The following GALNTL6 variants were observed in gnomAD, a reference collection of about 807,000 sequenced individuals.
The protein encoded by GALNTL6 is polypeptide N-acetylgalactosaminyltransferase-like 6.
GALNTL6 carries 46 observed loss-of-function variants against 73.7 expected under a neutral mutation model. That is an observed-to-expected ratio of 0.62 (90% CI 0.49 to 0.80). The LOEUF (loss-of-function observed/expected upper bound fraction) is 0.80. GALNTL6 is among the 30% of genes least tolerant of loss of function. The pLI is 0.00. For missense variants in GALNTL6, 604 were observed against 755.0 expected (o/e 0.80, Z 2.34); for synonymous variants, 259 against 263.7 (o/e 0.98, Z 0.17).
At chr4:172,856,477 GAAGT>G (rs1744126989) in intron 7 of GALNTL6, among the ~76,000 whole-genome samples, 1 of 152,096 alleles carries the variant, frequency 6.6e-6, no homozygotes, top group African/African-American at 2.4e-5. Flanking sequence ...GCTTTAAAAG[GAAGT>G]AAGAAAAGAC....
At chr4:172,476,852 G>T (rs1180893855) in intron 5 of GALNTL6, among the ~76,000 whole-genome samples, 3 of 151,248 alleles carry the variant, frequency 2.0e-5, no homozygotes, top group South Asian at 2.1e-4. Context: ...TTTAGAGAAA[G>T]TATATTTTCC....
chr4:172,895,742 C>T (rs994091397), intron 8 of GALNTL6, among the ~76,000 whole-genome samples: 1 of 152,106 alleles, frequency 6.6e-6, no homozygotes, highest in Non-Finnish European at 1.5e-5. Flanking sequence ...CTCTTTAACT[C>T]CAATAAACTG....
At chr4:172,293,446 A>G (rs1739542125) in intron 3 of GALNTL6, among the ~76,000 whole-genome samples, 1 of 14,890 alleles carries the variant, frequency 6.7e-5, no homozygotes, top group South Asian at 0.1. Flanking sequence ...AATACAATGA[A>G]AAACCTCAAG....
intron 5 of GALNTL6, among the ~76,000 whole-genome samples, chr4:172,736,669 TC>T (rs752780703): frequency 1.3e-5 from 2 of 152,340 alleles, no homozygotes; most frequent in Non-Finnish European, 2.9e-5. Flanking sequence ...GTCCATGAAA[TC>T]TTCACAATTT....
At chr4:172,799,170 A>G (rs528576463) in intron 5 of GALNTL6, among the ~76,000 whole-genome samples, 1 of 152,354 alleles carries the variant, frequency 6.6e-6, no homozygotes, top group East Asian at 1.9e-4. Flanking sequence ...TGCAAAGAGC[A>G]GACCACACAG....
chr4:172,700,316 C>G (rs1393478767), intron 5 of GALNTL6, among the ~76,000 whole-genome samples: 2 of 151,968 alleles, frequency 1.3e-5, no homozygotes, highest in Non-Finnish European at 2.9e-5. Context: ...TAGATCTCAA[C>G]AAGACAATCT....
In GALNTL6 at chr4:171,891,327, C is replaced by T. The variant is rs530828169; in HGVS notation, c.138+76609C>T. Among the ~76,000 whole-genome samples, 179 of 152,298 alleles carry T rather than the reference C, an allele frequency of 1.2e-3. 2 individuals are homozygous for T. Among genetic ancestry groups the T allele is most frequent in the African/African-American group, 4.2e-3 (173 of 41,562 alleles). ...CTTCAGGGTGGTTGGAGCCAGCGTT[C>T]TTGGAGTCTGTTTCTTCAATCCTTT... On this transcript the variant is annotated intron_variant, in intron 2 of 12. Coordinates refer to ENST00000506823, the MANE Select transcript of GALNTL6 (RefSeq NM_001034845.3).
intron 2 of GALNTL6, among the ~76,000 whole-genome samples, chr4:172,019,518 A>C (rs1334751673): frequency 6.6e-6 from 1 of 152,184 alleles, no homozygotes; most frequent in Non-Finnish European, 1.5e-5. Context: ...AAGAATAACA[A>C]TACTTATATG....
At chr4:172,945,631 A>G (rs1164833648) in intron 9 of GALNTL6, among the ~76,000 whole-genome samples, 1 of 152,236 alleles carries the variant, frequency 6.6e-6, no homozygotes, top group Non-Finnish European at 1.5e-5. Context: ...ATAAAATCAA[A>G]GAGAAAGCTA....
chr4:172,031,693 T>C (rs1741775856), intron 2 of GALNTL6, among the ~76,000 whole-genome samples: 1 of 151,976 alleles, frequency 6.6e-6, no homozygotes, highest in African/African-American at 2.4e-5. Context: ...TCTCTGGCTT[T>C]CAAGTCCTCA....
intron 5 of GALNTL6, among the ~76,000 whole-genome samples, chr4:172,391,785 A>G (rs1579027686): frequency 6.6e-6 from 1 of 152,170 alleles, no homozygotes; most frequent in Non-Finnish European, 1.5e-5. Flanking sequence ...CCAAACACAT[A>G]GAAAGGATTT....
intron 5 of GALNTL6, among the ~76,000 whole-genome samples, chr4:172,611,515 T>A (rs987039679): frequency 2.0e-5 from 3 of 152,108 alleles, no homozygotes; most frequent in African/African-American, 7.2e-5. Context: ...CTCTTCTGGC[T>A]TGTAGGGTTC....
At chr4:172,421,009 T>A (rs924081217) in intron 5 of GALNTL6, among the ~76,000 whole-genome samples, 3 of 151,242 alleles carry the variant, frequency 2.0e-5, no homozygotes, top group African/African-American at 7.3e-5. Flanking sequence ...GTCAGGGGGT[T>A]GGGGGCAAGG....
intron 10 of GALNTL6, among the ~76,000 whole-genome samples, chr4:172,984,075 G>A (rs1751189569): frequency 6.6e-6 from 1 of 152,118 alleles, no homozygotes. Flanking sequence ...AACTATATAT[G>A]TAACAAACAT....
rs528747433 is a variant in GALNTL6 at position 172,639,152 on chromosome 4, C to T, written c.554-170209C>T. Among the ~76,000 whole-genome samples the T allele has an allele frequency of 5.9e-5, 9 of 152,170 alleles. No individual in the cohort carries two copies. The South Asian group carries it at 1.2e-3, about 21-fold the overall frequency. ...AATATGTATCTGGTAGGGAGGGAGA[C>T]TATAAATATTCCACATCTCATCATA... On this transcript the variant is annotated intron_variant, in intron 5 of 12. Coordinates refer to ENST00000506823, the MANE Select transcript of GALNTL6 (RefSeq NM_001034845.3).
At chr4:171,845,090 C>T (rs529506596) in intron 2 of GALNTL6, among the ~76,000 whole-genome samples, 1 of 152,250 alleles carries the variant, frequency 6.6e-6, no homozygotes, top group East Asian at 1.9e-4. Context: ...GGTTTGTGTA[C>T]TAATGAATTC....
chr4:172,818,136 G>A (rs1173048488), intron 7 of GALNTL6, among the ~76,000 whole-genome samples: 1 of 152,146 alleles, frequency 6.6e-6, no homozygotes, highest in Non-Finnish European at 1.5e-5. Flanking sequence ...CTTCACTGCT[G>A]CCAACGTTTC....
At chr4:172,364,076 A>G (rs188306003) in intron 5 of GALNTL6, among the ~76,000 whole-genome samples, 242 of 152,272 alleles carry the variant, frequency 1.6e-3, no homozygotes, top group African/African-American at 5.7e-3. Context: ...TAAACATGTT[A>G]TTTGATTTTT....
In GALNTL6 at chr4:172,673,579, T is replaced by A. The variant is rs1419857374; in HGVS notation, c.554-135782T>A. Reference sequence around the variant, plus strand: ...CAATATTGTCAGTGGGTTGTTAAAGTCTCCCACTATTATTGTGTGGGAGTC... The same window carrying A: ...CAATATTGTCAGTGGGTTGTTAAAGACTCCCACTATTATTGTGTGGGAGTC... On this transcript the variant is annotated intron_variant, in intron 5 of 12. Transcript: ENST00000506823. Among the ~76,000 whole-genome samples, 3 of 152,196 alleles carry A rather than the reference T, an allele frequency of 2.0e-5. No individual in the cohort carries two copies. The East Asian group carries it at 5.8e-4, about 29-fold the overall frequency.
Sources: allele counts gnomAD v4.1 joint callset (sites outside exome capture counted in the v4.1 genomes callset), GRCh38; gene constraint gnomAD v4.1.1; transcripts MANE v1.5; gene names NCBI Gene and HGNC (gene_info 2026-07-23, HGNC 2026-07-21).